Variants in AUTS2 observed in about 807,000 individuals in gnomAD.
AUTS2 encodes autism susceptibility gene 2 protein.
In AUTS2, 17 loss-of-function variants were observed where a neutral mutation model predicts 112.4. That is an observed-to-expected ratio of 0.15 (90% CI 0.10 to 0.23). The LOEUF is 0.23. Ranked by LOEUF, AUTS2 falls within the 10% of genes least tolerant of loss-of-function variation. The pLI is 1.00. For synonymous variants in AUTS2, 751 were observed against 702.7 expected (o/e 1.07, Z -1.09); for missense variants, 1,510 against 1,701.6 (o/e 0.89, Z 1.98).
intron 1 of AUTS2, among the ~76,000 whole-genome samples, chr7:69,610,217 C>T (rs1792954765): frequency 6.6e-6 from 1 of 152,176 alleles, no homozygotes; most frequent in African/African-American, 2.4e-5. Flanking sequence ...ATAACACATG[C>T]GACTGACAAA....
intron 5 of AUTS2, among the ~76,000 whole-genome samples, chr7:70,647,742 C>T (rs1806250385): frequency 6.6e-6 from 1 of 152,172 alleles, no homozygotes; most frequent in African/African-American, 2.4e-5. Context: ...TCTCAGCCTC[C>T]CTATTCCCTG....
chr7:70,013,133 T>C (rs1178689734), intron 2 of AUTS2, among the ~76,000 whole-genome samples: 1 of 152,222 alleles, frequency 6.6e-6, no homozygotes, highest in Admixed American at 6.5e-5. Flanking sequence ...TGGAAACTTA[T>C]TTGTGCTGCA....
intron 5 of AUTS2, among the ~76,000 whole-genome samples, chr7:70,643,295 A>G (rs1257001274): frequency 6.6e-6 from 1 of 152,258 alleles, no homozygotes; most frequent in Non-Finnish European, 1.5e-5. Flanking sequence ...AATCTAGGCC[A>G]GGCGTGGTGG....
chr7:70,365,034 G>A (rs1457605563), intron 4 of AUTS2, among the ~76,000 whole-genome samples: 1 of 152,076 alleles, frequency 6.6e-6, no homozygotes, highest in Non-Finnish European at 1.5e-5. Context: ...AATGGAGAAA[G>A]GTACTGGGAA....
intron 4 of AUTS2, among the ~76,000 whole-genome samples, chr7:70,311,705 C>T (rs193183072): frequency 5.3e-4 from 80 of 151,980 alleles, no homozygotes; most frequent in Middle Eastern, 3.4e-3. Context: ...TACAGGTGCC[C>T]GCCACCACAC....
chr7:69,943,457 A>G (rs141616968), intron 2 of AUTS2, among the ~76,000 whole-genome samples: 197 of 152,358 alleles, frequency 1.3e-3, no homozygotes, highest in African/African-American at 4.6e-3. Context: ...AAATGCCTGC[A>G]AACAATTTAT....
intron 4 of AUTS2, among the ~76,000 whole-genome samples, chr7:70,328,546 A>G (rs1363598148): frequency 6.6e-6 from 1 of 152,178 alleles, no homozygotes; most frequent in African/African-American, 2.4e-5. Context: ...TTAAGATCAC[A>G]CTGCAAGTTT....
Position 69,714,237 on chromosome 7 carries a change from A to G in AUTS2, c.309+114275A>G, listed in dbSNP as rs989152141. ...CACCAACACACCCAGCTAATTGTGC[A>G]TGTGTGTGTATATGTGTGTGTGTGT... On this transcript the variant is annotated intron_variant, in intron 1 of 18. Transcript: ENST00000342771. 1.8e-3 allele frequency among the ~76,000 whole-genome samples: 163 copies of G among 89,988 alleles called. 1 individual carries two copies. The highest frequency in any genetic ancestry group is 7.3e-3 in the African/African-American group (155 of 21,170). 59.0% of individuals were successfully genotyped at this position (89,988 alleles called of 152,430 possible).
At chr7:70,047,936 C>T (rs1801579680) in intron 2 of AUTS2, among the ~76,000 whole-genome samples, 1 of 151,796 alleles carries the variant, frequency 6.6e-6, no homozygotes, top group Admixed American at 6.6e-5. Flanking sequence ...AGCTCTTAGA[C>T]TTCAAGGAGA....
chr7:70,464,782 T>G (rs1797107474), intron 5 of AUTS2, among the ~76,000 whole-genome samples: 1 of 152,208 alleles, frequency 6.6e-6, no homozygotes, highest in South Asian at 2.1e-4. Flanking sequence ...TTGAGGTAGG[T>G]CTAGGTTAAT....
At chr7:69,779,049 TTAAAAAAAA>T (rs1448479159) in intron 1 of AUTS2, among the ~76,000 whole-genome samples, 161 of 116,660 alleles carry the variant, frequency 1.4e-3, no homozygotes, top group Middle Eastern at 4.4e-3. Context: ...CTTTTTTTTT[TTAAAAAAAA>T]AAAAAAAAAA....
intron 4 of AUTS2, among the ~76,000 whole-genome samples, chr7:70,212,446 A>G (rs1562790345): frequency 6.6e-6 from 1 of 152,212 alleles, no homozygotes; most frequent in Non-Finnish European, 1.5e-5. Context: ...ATTGATTTGC[A>G]TACTTCTACG....
intron 4 of AUTS2, among the ~76,000 whole-genome samples, chr7:70,368,231 T>TA (rs2129629482): frequency 6.6e-6 from 1 of 152,278 alleles, no homozygotes; most frequent in East Asian, 1.9e-4. Flanking sequence ...TTAATGAAAT[T>TA]ATGACATAGA....
chr7:70,755,887 A>C (rs1268368985), intron 6 of AUTS2, among the ~76,000 whole-genome samples: 1 of 151,990 alleles, frequency 6.6e-6, no homozygotes, highest in Non-Finnish European at 1.5e-5. Context: ...ACTATTATTT[A>C]ATAACTATAT....
intron 4 of AUTS2, among the ~76,000 whole-genome samples, chr7:70,294,599 A>T (rs1788848789): frequency 6.6e-6 from 1 of 152,128 alleles, no homozygotes; most frequent in African/African-American, 2.4e-5. Flanking sequence ...TTGCATCCAA[A>T]ATGCCCTGAT....
chr7:69,777,594 A>G (rs1372633701), intron 1 of AUTS2, among the ~76,000 whole-genome samples: 1 of 152,208 alleles, frequency 6.6e-6, no homozygotes. Context: ...TATCTAAGAC[A>G]TATTTATTTC....
intron 5 of AUTS2, among the ~76,000 whole-genome samples, chr7:70,662,255 G>T (rs1341596585): frequency 6.6e-6 from 1 of 152,264 alleles, no homozygotes; most frequent in Admixed American, 6.5e-5. Flanking sequence ...GGGGCTGCAT[G>T]GAGGGCCTCA....
intron 1 of AUTS2, among the ~76,000 whole-genome samples, chr7:69,724,206 ACT>A (rs1391378090): frequency 3.3e-5 from 5 of 152,026 alleles, no homozygotes; most frequent in African/African-American, 7.2e-5. Context: ...TTTCTTTCTA[ACT>A]CTGTTTCTTT....
intron 2 of AUTS2, among the ~76,000 whole-genome samples, chr7:70,101,282 A>G (rs952825060): frequency 1.3e-5 from 2 of 151,966 alleles, no homozygotes; most frequent in Non-Finnish European, 2.9e-5. Flanking sequence ...TAATTTTCTT[A>G]TGCTAATTGA....
Sources: gnomAD v4.1 joint callset for allele counts (sites outside exome capture counted in the v4.1 genomes callset) on GRCh38, gnomAD v4.1.1 for gene constraint, MANE v1.5 for transcripts, NCBI Gene and HGNC (gene_info 2026-07-23, HGNC 2026-07-21) for gene names.